The following CDH13 variants were observed in gnomAD, a reference collection of about 807,000 sequenced individuals.
The protein encoded by CDH13 is cadherin 13, also known as cadherin-13.
CDH13 carries 24 observed loss-of-function variants against 63.8 expected under a neutral mutation model. The ratio of observed to expected loss-of-function variants is 0.38; its 90% CI spans 0.27 to 0.53. The LOEUF (loss-of-function observed/expected upper bound fraction) is 0.53. CDH13 is among the 20% of genes least tolerant of loss of function. The pLI, the probability that CDH13 is intolerant of heterozygous loss-of-function variation, is 0.85. For missense variants in CDH13, 1,049 were observed against 903.1 expected, an observed-to-expected ratio of 1.16 and a Z score of -2.07; for synonymous variants, 503 against 355.3, an observed-to-expected ratio of 1.42 and a Z score of -4.67.
At chr16:82,864,260 G>T (rs1246281605) in intron 2 of CDH13, among the ~76,000 whole-genome samples, 3 of 152,188 alleles carry the variant, frequency 2.0e-5, no homozygotes, top group Non-Finnish European at 4.4e-5. Context: ...AGGGACTCCT[G>T]TCCATGTTGA....
intron 2 of CDH13, among the ~76,000 whole-genome samples, chr16:82,882,134 T>G (rs1199080046): frequency 6.6e-6 from 1 of 152,218 alleles, no homozygotes; most frequent in African/African-American, 2.4e-5. Context: ...TTTTAGAGCA[T>G]GTAAATTATG....
At chr16:83,569,267 C>T (rs535241790) in intron 7 of CDH13, among the ~76,000 whole-genome samples, 1 of 152,140 alleles carries the variant, frequency 6.6e-6, no homozygotes, top group Non-Finnish European at 1.5e-5. Flanking sequence ...CCTCCCCTCC[C>T]TCTCCCCATT....
chr16:83,164,178 T>TTACA (rs1298689414), intron 4 of CDH13, among the ~76,000 whole-genome samples: 4 of 152,114 alleles, frequency 2.6e-5, no homozygotes, highest in African/African-American at 9.7e-5. Flanking sequence ...GGTTAGTTCT[T>TTACA]TACATGCTTA....
intron 3 of CDH13, among the ~76,000 whole-genome samples, chr16:83,037,908 A>T (rs908126325): frequency 1.3e-5 from 2 of 152,174 alleles, no homozygotes; most frequent in African/African-American, 4.8e-5. Flanking sequence ...ACCAGACATC[A>T]AGGGACAGTT....
intron 7 of CDH13, among the ~76,000 whole-genome samples, chr16:83,592,895 C>T (rs1211995242): frequency 2.0e-5 from 3 of 152,114 alleles, no homozygotes; most frequent in Non-Finnish European, 2.9e-5. Flanking sequence ...CCAGGCTCAC[C>T]CTGCTGCCTG....
intron 1 of CDH13, chr16:82,705,370 C>G (rs1041452020): frequency 1.3e-5 from 4 of 307,334 alleles, no homozygotes; most frequent in Non-Finnish European, 2.5e-5. Context: ...ATTCAATACG[C>G]TAATACAGTG....
chr16:83,276,910 G>A (rs183703479), intron 5 of CDH13, among the ~76,000 whole-genome samples: 71 of 152,256 alleles, frequency 4.7e-4, no homozygotes, highest in African/African-American at 1.7e-3. Context: ...TTACGTAGAT[G>A]TTGGCAGGCA....
chr16:83,743,762 T>TTTTTTTTTTTTTTTTTG (rs1912293144), intron 10 of CDH13, among the ~76,000 whole-genome samples: 1 of 134,214 alleles, frequency 7.5e-6, no homozygotes, highest in Non-Finnish European at 1.6e-5. Context: ...TTTTTTTTTT[T>TTTTTTTTTTTTTTTTTG]TTTTTCTTTG....
chr16:83,069,983 G>A (rs1278827518), intron 3 of CDH13, among the ~76,000 whole-genome samples: 1 of 151,812 alleles, frequency 6.6e-6, no homozygotes, highest in Non-Finnish European at 1.5e-5. Context: ...AGAAAAATTG[G>A]GCCAATGGCA....
intron 6 of CDH13, among the ~76,000 whole-genome samples, chr16:83,381,997 C>T (rs929589932): frequency 7.9e-5 from 12 of 152,184 alleles, no homozygotes; most frequent in African/African-American, 2.7e-4. Context: ...ACAGGAACGA[C>T]GAAAAAGTCT....
chr16:82,969,974 C>T (rs887796135), intron 2 of CDH13, among the ~76,000 whole-genome samples: 7 of 151,352 alleles, frequency 4.6e-5, no homozygotes, highest in Admixed American at 1.3e-4. Context: ...TTCTGGGGTA[C>T]GTGTGCAGAA....
At chr16:83,768,756 A>G (rs1366714885) in intron 11 of CDH13, among the ~76,000 whole-genome samples, 3 of 151,770 alleles carry the variant, frequency 2.0e-5, no homozygotes, top group Non-Finnish European at 2.9e-5. Context: ...GTAAACTGTC[A>G]TGGTGCTGGT....
chr16:82,965,442 G>T (rs72790183), intron 2 of CDH13, among the ~76,000 whole-genome samples: 2 of 151,988 alleles, frequency 1.3e-5, no homozygotes, highest in Non-Finnish European at 2.9e-5. Flanking sequence ...ATCAATGTAC[G>T]TTTCTTCTAA....
intron 7 of CDH13, among the ~76,000 whole-genome samples, chr16:83,531,495 T>G (rs750022605): frequency 2.6e-5 from 4 of 152,198 alleles, no homozygotes; most frequent in Admixed American, 6.5e-5. Flanking sequence ...AAGCGGAGTT[T>G]CCCTGCACAA....
chr16:82,646,718 C>T (rs1910138663), intron 1 of CDH13, among the ~76,000 whole-genome samples: 1 of 152,038 alleles, frequency 6.6e-6, no homozygotes, highest in Admixed American at 6.6e-5. Flanking sequence ...AAAACTGAGT[C>T]AGAGGAAGAG....
At chr16:83,396,026 T>C (rs913200450) in intron 6 of CDH13, among the ~76,000 whole-genome samples, 2 of 152,184 alleles carry the variant, frequency 1.3e-5, no homozygotes, top group Non-Finnish European at 2.9e-5. Flanking sequence ...GCTCCCACTA[T>C]GAGTGGGAAC....
intron 1 of CDH13, among the ~76,000 whole-genome samples, chr16:82,666,331 G>C (rs1001643311): frequency 6.6e-6 from 1 of 152,194 alleles, no homozygotes; most frequent in African/African-American, 2.4e-5. Context: ...GCACTGCTTT[G>C]GTAAGGCAGT....
chr16:83,665,936 T>C (rs1913907658), intron 8 of CDH13, among the ~76,000 whole-genome samples: 1 of 152,240 alleles, frequency 6.6e-6, no homozygotes, highest in African/African-American at 2.4e-5. Context: ...TCATCCTGAA[T>C]GTCTATGATG....
chr16:82,718,916 G>A (rs1424399761), intron 1 of CDH13, among the ~76,000 whole-genome samples: 2 of 152,176 alleles, frequency 1.3e-5, no homozygotes, highest in Non-Finnish European at 2.9e-5. Context: ...AGTTGAGATG[G>A]AACAGCATCT....
Sources: allele counts gnomAD v4.1 joint callset (sites outside exome capture counted in the v4.1 genomes callset), GRCh38; gene constraint gnomAD v4.1.1; transcripts MANE v1.5; gene names NCBI Gene and HGNC (gene_info 2026-07-23, HGNC 2026-07-21).